The following ACAD11 variants were observed in gnomAD, a reference collection of about 807,000 sequenced individuals.
ACAD11 encodes the protein acyl-Coenzyme A dehydrogenase family, member 11.
In ACAD11, 83 loss-of-function variants were observed where a neutral mutation model predicts 102.2. That is an observed-to-expected ratio of 0.81 (90% CI 0.68 to 0.97). The LOEUF (loss-of-function observed/expected upper bound fraction) is 0.97. Ranked by LOEUF, ACAD11 falls within the 50% of genes least tolerant of loss-of-function variation. The pLI, the probability that ACAD11 is intolerant of heterozygous loss-of-function variation, is 0.00. For synonymous variants in ACAD11, 324 were observed against 319.8 expected (o/e 1.01, Z -0.14); for missense variants, 901 against 951.7 (o/e 0.95, Z 0.70).
intron 9 of ACAD11, among the ~76,000 whole-genome samples, chr3:132,626,003 C>A (rs1019263706): frequency 6.6e-6 from 1 of 152,202 alleles, no homozygotes; most frequent in African/African-American, 2.4e-5. Context: ...CCTGCCCCAA[C>A]TCCCTTACAT....
intron 13 of ACAD11, chr3:132,602,243 C>G (rs1360807100): frequency 6.0e-6 from 1 of 166,140 alleles, no homozygotes; most frequent in Non-Finnish European, 1.5e-5. Flanking sequence ...CAAAACATTC[C>G]TGGTAAGTTC....
intron 17 of ACAD11, 124 bp downstream of exon 17, chr3:132,575,648 T>A: frequency 1.8e-6 from 2 of 1,134,880 alleles, no homozygotes; most frequent in Non-Finnish European, 2.5e-6. Flanking sequence ...GACATAAATA[T>A]GCCTTATTGA....
In ACAD11 at chr3:132,628,528, T is replaced by C. The variant is rs57341035; in HGVS notation, c.964-82A>G. On this transcript the variant is annotated intron_variant, in intron 7 of 19. Transcript: ENST00000264990. ...ATCAATCTTTCCAGTTTCTCAGTTA[T>C]ATGTGACATTATACTCACAGGGTAT... 3.8e-3 allele frequency: 3,522 copies of C among 925,126 alleles called. 73 individuals are homozygous for C. In the African/African-American group the frequency reaches 0.052, roughly 14 times the overall value. The allele number at this position is 925,126 out of a possible 1,614,324, so 57.3% of individuals were successfully genotyped here. A position where few individuals can be genotyped will look rare whatever the true frequency, so the allele number is the denominator to read the frequency against.
rs1410613900 is a variant in ACAD11, at chr3:132,631,421, T to C, written c.761A>G (p.Asp254Gly). Residue 254 changes from aspartate (D) to glycine (G), a missense_variant, in exon 6 of 20, where the codon GAC becomes GGC. Physicochemically the swap from Asp to Gly is moderately conservative, Grantham distance 94. Transcript: ENST00000264990. ...ELSTIGHPLS[D>G]LAHFSLFYFW... is the part of the protein sequence containing the mutation. ...GTAGAACAGGGAAAAATGAGCTAAG[T>C]CTGACAAAGGATGACCAATGGTTGA... 1 of 1,570,696 alleles carries C rather than the reference T, an allele frequency of 6.4e-7. No homozygotes were observed. The highest frequency in any genetic ancestry group is 8.7e-7 in the Non-Finnish European group (1 of 1,155,998).
intron 13 of ACAD11, among the ~76,000 whole-genome samples, chr3:132,586,840 C>G (rs552512415): frequency 6.6e-6 from 1 of 152,328 alleles, no homozygotes; most frequent in Non-Finnish European, 1.5e-5. Flanking sequence ...CGCCTGTAAT[C>G]CCAACACTTT....
chr3:132,613,535 G>A (rs1427886415), intron 11 of ACAD11, among the ~76,000 whole-genome samples: 1 of 151,972 alleles, frequency 6.6e-6, no homozygotes, highest in Non-Finnish European at 1.5e-5. Flanking sequence ...AAGAAATGAA[G>A]GGTATTCAGA....
At chr3:132,585,138 A>C (rs1937751609) in intron 13 of ACAD11, among the ~76,000 whole-genome samples, 1 of 152,174 alleles carries the variant, frequency 6.6e-6, no homozygotes, top group African/African-American at 2.4e-5. Context: ...ACTGGTACCA[A>C]AACAGAGATA....
intron 17 of ACAD11, among the ~76,000 whole-genome samples, chr3:132,568,403 G>T (rs1288742525): frequency 6.6e-6 from 1 of 151,862 alleles, no homozygotes; most frequent in Non-Finnish European, 1.5e-5. Context: ...CCAAGGAAAA[G>T]CTAAATAAAT....
chr3:132,574,351 A>C (rs1339678365), intron 17 of ACAD11, among the ~76,000 whole-genome samples: 1 of 152,120 alleles, frequency 6.6e-6, no homozygotes, highest in African/African-American at 2.4e-5. Context: ...ACCTCCTCCC[A>C]CAGTGCCCAG....
intron 11 of ACAD11, among the ~76,000 whole-genome samples, chr3:132,618,085 C>T (rs1342113735): frequency 1.3e-5 from 2 of 152,086 alleles, no homozygotes; most frequent in African/African-American, 2.4e-5. Flanking sequence ...CATCTTCAAA[C>T]TTATTACGTA....
intron 13 of ACAD11, among the ~76,000 whole-genome samples, chr3:132,583,128 C>T (rs1937638742): frequency 6.6e-6 from 1 of 152,108 alleles, no homozygotes; most frequent in Non-Finnish European, 1.5e-5. Flanking sequence ...AGGAATGGTA[C>T]CAGCTCCTCC....
intron 11 of ACAD11, among the ~76,000 whole-genome samples, chr3:132,612,005 T>C (rs1367385653): frequency 2.0e-5 from 3 of 152,024 alleles, no homozygotes; most frequent in Non-Finnish European, 4.4e-5. Context: ...CAAAACAGCA[T>C]GGTACTGGTA....
chr3:132,563,609 G>A (rs1157360200), intron 17 of ACAD11, among the ~76,000 whole-genome samples: 5 of 152,032 alleles, frequency 3.3e-5, no homozygotes, highest in South Asian at 2.1e-4. Context: ...AAATTGTTAC[G>A]TACTGACCTT....
chr3:132,572,691 C>T (rs1937415596), intron 17 of ACAD11, among the ~76,000 whole-genome samples: 1 of 152,194 alleles, frequency 6.6e-6, no homozygotes, highest in African/African-American at 2.4e-5. Context: ...GTTACAAAAA[C>T]AGGTACATAG....
chr3:132,605,043 A>G (rs1351059461), intron 12 of ACAD11, 55 bp downstream of exon 12: 2 of 1,384,124 alleles, frequency 1.4e-6, no homozygotes, highest in African/African-American at 2.8e-5. Flanking sequence ...CAGCTCATCC[A>G]TAATAACTCC....
At chr3:132,583,230 C>T (rs1255312578) in intron 13 of ACAD11, among the ~76,000 whole-genome samples, 1 of 152,100 alleles carries the variant, frequency 6.6e-6, no homozygotes, top group Non-Finnish European at 1.5e-5. Flanking sequence ...ATTTCAGACC[C>T]TGTTATTGGT....
chr3:132,564,921 T>A (rs1937167099), intron 17 of ACAD11, among the ~76,000 whole-genome samples: 1 of 152,086 alleles, frequency 6.6e-6, no homozygotes, highest in African/African-American at 2.4e-5. Context: ...GCCTCATATA[T>A]CTCAGCTGCT....
At chr3:132,654,785 T>A (rs1252534536) in intron 1 of ACAD11, 1 of 152,170 alleles carries the variant, frequency 6.6e-6, no homozygotes, top group Non-Finnish European at 1.5e-5. Flanking sequence ...TTGGATAGAG[T>A]TACATGATTG....
At chr3:132,628,317 G>A in intron 8 of ACAD11, 23 bp downstream of exon 8, 3 of 1,566,514 alleles carry the variant, frequency 1.9e-6, no homozygotes, top group Non-Finnish European at 2.6e-6. Flanking sequence ...ATTTGAGTTA[G>A]CCAAGGAATC....
Sources: gnomAD v4.1 joint callset for allele counts (sites outside exome capture counted in the v4.1 genomes callset) on GRCh38, gnomAD v4.1.1 for gene constraint, MANE v1.5 for transcripts, NCBI Gene and HGNC (gene_info 2026-07-23, HGNC 2026-07-21) for gene names.